Variants in SLC14A2 observed in about 807,000 individuals in gnomAD.
The protein encoded by SLC14A2 is solute carrier family 14 member 2.
Under a neutral mutation model 104.6 loss-of-function variants are expected in SLC14A2, and 91 were observed. That is an observed-to-expected ratio of 0.87 (90% CI 0.73 to 1.04). SLC14A2 has a LOEUF of 1.04. Among genes scored for constraint, SLC14A2 ranks in the 50% least tolerant of loss-of-function variants. The probability of loss-of-function intolerance (pLI) is 0.00; values close to 1 mark genes in which losing one functional copy is unlikely to be tolerated. For missense variants in SLC14A2, 1,189 were observed against 1,156.0 expected (o/e 1.03, Z -0.41); for synonymous variants, 476 against 466.4 (o/e 1.02, Z -0.27).
chr18:45,679,924 T>G (rs1283749999), intron 19 of SLC14A2, among the ~76,000 whole-genome samples: 1 of 152,230 alleles, frequency 6.6e-6, no homozygotes, highest in Non-Finnish European at 1.5e-5. Context: ...CTCATTGGTC[T>G]TCTTCTACCC....
intron 1 of SLC14A2, among the ~76,000 whole-genome samples, chr18:45,248,787 A>T (rs2084392418): frequency 6.6e-6 from 1 of 152,206 alleles, no homozygotes; most frequent in Non-Finnish European, 1.5e-5. Context: ...GAGCCACAGA[A>T]CTTCAACGGT....
intron 1 of SLC14A2, among the ~76,000 whole-genome samples, chr18:45,280,023 T>C (rs1408764212): frequency 6.6e-6 from 1 of 152,210 alleles, no homozygotes. Flanking sequence ...AAAATATCTC[T>C]ACACATTGCC....
In SLC14A2 at chr18:45,260,339, T is replaced by C. The variant is rs2084523050; in HGVS notation, c.-125+47148T>C. Among the ~76,000 whole-genome samples, 4 of 152,266 alleles carry C rather than the reference T, an allele frequency of 2.6e-5. No homozygotes were observed. The South Asian group carries it at 8.3e-4, about 32-fold the overall frequency. On this transcript the variant is annotated intron_variant, in intron 1 of 20. Transcript: ENST00000586448. ...TTAAATAGTATTCTGAGTCACATCA[T>C]GAAGTAACAGGAAGAAAGATCTTAC...
upstream of SLC14A2, among the ~76,000 whole-genome samples, chr18:45,612,241 G>T (rs1445075863): frequency 1.3e-5 from 2 of 152,238 alleles, no homozygotes; most frequent in Non-Finnish European, 2.9e-5. Flanking sequence ...CCAGAGCTCA[G>T]TGGGAAAGAG....
chr18:45,677,701 T>C (rs746540102), intron 18 of SLC14A2, among the ~76,000 whole-genome samples: 60 of 152,240 alleles, frequency 3.9e-4, no homozygotes, highest in Non-Finnish European at 7.8e-4. Context: ...AAGGACGGCA[T>C]GGGCTCCTAT....
the SLC14A2 span, among the ~76,000 whole-genome samples, chr18:45,176,669 G>A: frequency 6.6e-6 from 1 of 152,174 alleles, no homozygotes; most frequent in Non-Finnish European, 1.5e-5. Flanking sequence ...CCCTCTTCCT[G>A]TGGCTGCATT....
intron 2 of SLC14A2, among the ~76,000 whole-genome samples, chr18:45,582,938 G>A (rs539806619): frequency 6.6e-6 from 1 of 152,114 alleles, no homozygotes; most frequent in Non-Finnish European, 1.5e-5. Flanking sequence ...GTGTCTCCAG[G>A]TACAGTCTGA....
intron 1 of SLC14A2, among the ~76,000 whole-genome samples, chr18:45,299,400 C>T (rs1035135413): frequency 1.3e-5 from 2 of 152,224 alleles, no homozygotes; most frequent in African/African-American, 4.8e-5. Flanking sequence ...GCCAGGGGTG[C>T]ACACACACAT....
At chr18:45,231,571 C>G (rs551267509) in intron 1 of SLC14A2, among the ~76,000 whole-genome samples, 2 of 152,222 alleles carry the variant, frequency 1.3e-5, no homozygotes, top group African/African-American at 4.8e-5. Flanking sequence ...AAAAACCCTT[C>G]GTTGTCTCCA....
rs563291433 is a variant in SLC14A2 at position 45,372,542 on chromosome 18, C to T, written c.-124-110691C>T. Among the ~76,000 whole-genome samples, 4 of 152,234 alleles carry T rather than the reference C, an allele frequency of 2.6e-5. No homozygotes were observed. In the South Asian group the frequency reaches 6.2e-4, roughly 24 times the overall value. On this transcript the variant is annotated intron_variant, in intron 1 of 20. Coordinates refer to the SLC14A2 transcript ENST00000586448. ...ATGTGAACACCTGAAAAGACTAACC[C>T]ACAGAGGAGACACAGAGTCGCTGGT...
At chr18:45,645,784 T>C (rs2045615200) in intron 10 of SLC14A2, among the ~76,000 whole-genome samples, 1 of 151,780 alleles carries the variant, frequency 6.6e-6, no homozygotes, top group African/African-American at 2.4e-5. Context: ...AATGAATGAG[T>C]ATGGCTATGT....
intron 2 of SLC14A2, among the ~76,000 whole-genome samples, chr18:45,543,521 GT>G (rs1255034846): frequency 6.6e-6 from 1 of 152,158 alleles, no homozygotes; most frequent in Non-Finnish European, 1.5e-5. Flanking sequence ...AGTGGTATAA[GT>G]TTGTCCTTTG....
chr18:45,301,787 GTCTTC>G (rs1382886374), intron 1 of SLC14A2, among the ~76,000 whole-genome samples: 4 of 152,208 alleles, frequency 2.6e-5, no homozygotes, highest in African/African-American at 9.6e-5. Flanking sequence ...ATCCTGAACA[GTCTTC>G]TGTGACTTCT....
At chr18:45,254,412 A>T (rs1568122682) in intron 1 of SLC14A2, among the ~76,000 whole-genome samples, 1 of 152,212 alleles carries the variant, frequency 6.6e-6, no homozygotes, top group Non-Finnish European at 1.5e-5. Flanking sequence ...GAGCTAACAT[A>T]TTAGAGGCCA....
At chr18:45,452,009 C>CA (rs1168801125) in intron 1 of SLC14A2, among the ~76,000 whole-genome samples, 1 of 151,838 alleles carries the variant, frequency 6.6e-6, no homozygotes, top group African/African-American at 2.4e-5. Flanking sequence ...CAAGACAAAT[C>CA]ATCTTTCAAT....
chr18:45,594,553 G>A (rs773153760), intron 2 of SLC14A2, among the ~76,000 whole-genome samples: 8 of 152,138 alleles, frequency 5.3e-5, no homozygotes, highest in African/African-American at 9.6e-5. Context: ...CTCCTGGACC[G>A]GTCATTACCT....
chr18:45,391,930 A>T (rs1457788104), intron 1 of SLC14A2, among the ~76,000 whole-genome samples: 1 of 152,182 alleles, frequency 6.6e-6, no homozygotes, highest in Non-Finnish European at 1.5e-5. Context: ...CTTTGGTTTA[A>T]TTAGATCCCA....
At chr18:45,535,776 T>C (rs2043770621) in intron 2 of SLC14A2, among the ~76,000 whole-genome samples, 1 of 152,288 alleles carries the variant, frequency 6.6e-6, no homozygotes, top group Admixed American at 6.5e-5. Context: ...ATTTGTAAAA[T>C]AGGAAAAGGA....
intron 1 of SLC14A2, among the ~76,000 whole-genome samples, chr18:45,412,794 T>C (rs1347806366): frequency 1.3e-5 from 2 of 152,156 alleles, no homozygotes; most frequent in Non-Finnish European, 2.9e-5. Flanking sequence ...TGTGGGGTTC[T>C]CACAACCAAA....
Sources: allele counts gnomAD v4.1 joint callset (sites outside exome capture counted in the v4.1 genomes callset), GRCh38; gene constraint gnomAD v4.1.1; transcripts MANE v1.5; gene names NCBI Gene and HGNC (gene_info 2026-07-23, HGNC 2026-07-21).